SPATS2L: variants seen among roughly 807,000 people sequenced by gnomAD.
The protein encoded by SPATS2L is spermatogenesis associated serine rich 2 like.
In SPATS2L, 30 loss-of-function variants were observed where a neutral mutation model predicts 59.6. That is an observed-to-expected ratio of 0.50 (90% CI 0.38 to 0.68). The LOEUF (loss-of-function observed/expected upper bound fraction) is 0.68. SPATS2L is among the 30% of genes least tolerant of loss of function. SPATS2L has a pLI of 0.00. For synonymous variants in SPATS2L, 252 were observed against 263.5 expected (o/e 0.96, Z 0.42); for missense variants, 615 against 700.0 (o/e 0.88, Z 1.37).
Position 200,307,314 on chromosome 2 carries a change from C to G in SPATS2L, c.-73+392C>G, listed in dbSNP as rs182485846. ...GTCCTCCCGCGCGGGCGCCCCCGTT[C>G]CCTCCCAAGCCGGAAAGAGACCCAC... On this transcript the variant is annotated intron_variant, in intron 1 of 12. Coordinates refer to ENST00000409140, the MANE Select transcript of SPATS2L (RefSeq NM_001100423.2). Among the ~76,000 whole-genome samples, 1,326 of 151,888 alleles carry G rather than the reference C, an allele frequency of 8.7e-3. 15 individuals are homozygous for G. Among genetic ancestry groups the G allele is most frequent in the Middle Eastern group, 0.031 (9 of 292 alleles).
intron 2 of SPATS2L, among the ~76,000 whole-genome samples, chr2:200,375,981 G>C (rs2081586135): frequency 1.3e-5 from 2 of 152,146 alleles, no homozygotes; most frequent in Admixed American, 6.5e-5. Context: ...AGTATGAGGG[G>C]TTAAAAACTG....
intron 9 of SPATS2L, among the ~76,000 whole-genome samples, chr2:200,460,286 G>A (rs1373754719): frequency 6.6e-6 from 1 of 152,046 alleles, no homozygotes; most frequent in African/African-American, 2.4e-5. Flanking sequence ...TCCTAGAAAA[G>A]TAGTCCCATT....
At chr2:200,364,218 G>A (rs527718253) in intron 2 of SPATS2L, among the ~76,000 whole-genome samples, 1 of 152,134 alleles carries the variant, frequency 6.6e-6, no homozygotes, top group Non-Finnish European at 1.5e-5. Context: ...TTACAAAACT[G>A]TAAGGTAATG....
At chr2:200,342,785 T>C (rs2080376490) in intron 2 of SPATS2L, among the ~76,000 whole-genome samples, 1 of 152,218 alleles carries the variant, frequency 6.6e-6, no homozygotes, top group Non-Finnish European at 1.5e-5. Flanking sequence ...ATAAGAACAA[T>C]ATCCTTGCCA....
intron 12 of SPATS2L, among the ~76,000 whole-genome samples, chr2:200,474,150 G>A (rs1463812602): frequency 6.7e-6 from 1 of 150,132 alleles, no homozygotes; most frequent in African/African-American, 2.5e-5. Context: ...TCTAACAGGT[G>A]TCTTGTTGGG....
intron 6 of SPATS2L, among the ~76,000 whole-genome samples, chr2:200,421,830 GCTTTCACATGAATTA>G (rs143295103): frequency 0.01 from 1,582 of 152,264 alleles, 30 homozygotes; most frequent in African/African-American, 0.036. Context: ...ACTTGTTATT[GCTTTCACATGAATTA>G]CTTTCAAAAT....
Position 200,329,420 on chromosome 2 carries a change from A to G in SPATS2L, c.-72-11A>G, listed in dbSNP as rs1574409983. 1.3e-6 allele frequency: 2 copies of G among 1,550,324 alleles called. No individual in the cohort carries two copies. The highest frequency in any genetic ancestry group is 1.7e-6 in the Non-Finnish European group (2 of 1,146,854). On this transcript the variant is annotated splice_polypyrimidine_tract_variant and intron_variant, in intron 1 of 12. Transcript: ENST00000409140. Reference sequence around the variant, plus strand: ...GACCTGCCTGACTTCCCAAATTTCCATTTTTCCTAGAGCTCTTCAGAAACC... The same window carrying G: ...GACCTGCCTGACTTCCCAAATTTCCGTTTTTCCTAGAGCTCTTCAGAAACC...
intron 2 of SPATS2L, among the ~76,000 whole-genome samples, chr2:200,369,086 A>C (rs1418315623): frequency 1.0e-4 from 1 of 9,818 alleles, no homozygotes; most frequent in East Asian, 6.1e-3. Flanking sequence ...TCTAAAAAAA[A>C]AAAAAAAGAA....
chr2:200,467,257 G>A, intron 9 of SPATS2L, 33 bp from the exon 10 acceptor site: 1 of 1,368,806 alleles, frequency 7.3e-7, no homozygotes, highest in Non-Finnish European at 1.0e-6. Flanking sequence ...TTCAATCTCT[G>A]GCCCTAATGT....
chr2:200,317,603 C>T (rs2079422325), intron 1 of SPATS2L, among the ~76,000 whole-genome samples: 1 of 152,150 alleles, frequency 6.6e-6, no homozygotes, highest in Admixed American at 6.5e-5. Flanking sequence ...AAGGAAGTTG[C>T]CTTCACATTT....
At chr2:200,475,353 T>C (rs1477442611) in intron 12 of SPATS2L, among the ~76,000 whole-genome samples, 3 of 152,192 alleles carry the variant, frequency 2.0e-5, no homozygotes, top group Non-Finnish European at 4.4e-5. Flanking sequence ...GGGCACAGCT[T>C]GGTTTTGTAC....
At chr2:200,389,507 C>T (rs773912834) in intron 3 of SPATS2L, 2 of 447,082 alleles carry the variant, frequency 4.5e-6, no homozygotes, top group African/African-American at 2.0e-5. Context: ...TTGACCATAA[C>T]CCCATAAAGA....
intron 9 of SPATS2L, among the ~76,000 whole-genome samples, chr2:200,465,399 A>T (rs1274582381): frequency 6.6e-6 from 1 of 152,242 alleles, no homozygotes; most frequent in Non-Finnish European, 1.5e-5. Flanking sequence ...ACCAAACAAG[A>T]CATATGTACT....
chr2:200,322,372 T>C (rs2079591005), intron 1 of SPATS2L, among the ~76,000 whole-genome samples: 2 of 152,170 alleles, frequency 1.3e-5, no homozygotes, highest in Non-Finnish European at 2.9e-5. Context: ...CCAAAGTAAA[T>C]TGATGCTGTC....
intron 8 of SPATS2L, among the ~76,000 whole-genome samples, chr2:200,441,508 A>G (rs1006221989): frequency 2.0e-5 from 3 of 152,232 alleles, no homozygotes; most frequent in Admixed American, 6.5e-5. Flanking sequence ...TGAAAATTAC[A>G]GAAGTTTCCT....
chr2:200,369,849 T>G (rs3769459), intron 2 of SPATS2L, among the ~76,000 whole-genome samples: 8,633 of 152,286 alleles, frequency 0.057, 496 homozygotes, highest in Admixed American at 0.19. Flanking sequence ...CAGATTTGTT[T>G]TAGTTTCGTA....
At chr2:200,399,289 T>A (rs770437356) in intron 3 of SPATS2L, among the ~76,000 whole-genome samples, 1 of 152,186 alleles carries the variant, frequency 6.6e-6, no homozygotes, top group Non-Finnish European at 1.5e-5. Flanking sequence ...TTGACTATTT[T>A]ACATGCTTCA....
chr2:200,472,648 A>G (rs761491669), intron 11 of SPATS2L, among the ~76,000 whole-genome samples, 184 bp from the exon 12 acceptor site: 2 of 152,240 alleles, frequency 1.3e-5, no homozygotes, highest in African/African-American at 2.4e-5. Context: ...TTCCCACAAA[A>G]GAAATTTGGT....
chr2:200,381,779 C>A (rs902063432), intron 2 of SPATS2L, among the ~76,000 whole-genome samples: 1 of 152,072 alleles, frequency 6.6e-6, no homozygotes, highest in African/African-American at 2.4e-5. Context: ...CTGAGGCAGC[C>A]ATGAGAAAAT....
Sources: gnomAD v4.1 joint callset for allele counts (sites outside exome capture counted in the v4.1 genomes callset) on GRCh38, gnomAD v4.1.1 for gene constraint, MANE v1.5 for transcripts, NCBI Gene and HGNC (gene_info 2026-07-23, HGNC 2026-07-21) for gene names.